KIAA1549L: variants seen among roughly 807,000 people sequenced by gnomAD.
The protein encoded by KIAA1549L is UPF0606 protein KIAA1549L.
KIAA1549L carries 88 observed loss-of-function variants against 160.7 expected under a neutral mutation model. The observed-to-expected ratio is 0.55, with a 90% CI of 0.46 to 0.65. The LOEUF is 0.65. KIAA1549L is among the 30% of genes least tolerant of loss of function. The pLI, the probability that KIAA1549L is intolerant of heterozygous loss-of-function variation, is 0.00. For synonymous variants in KIAA1549L, 950 were observed against 976.7 expected, an observed-to-expected ratio of 0.97 and a Z score of 0.51; for missense variants, 2,258 against 2,437.5, an observed-to-expected ratio of 0.93 and a Z score of 1.55.
At chr11:33,661,051 T>C in intron 20 of KIAA1549L, 37 bp downstream of exon 20, 3 of 1,557,474 alleles carry the variant, frequency 1.9e-6, no homozygotes, top group Non-Finnish European at 2.6e-6. Context: ...AAACTTTACC[T>C]GCTTAACACA....
chr11:33,468,359 GA>G (rs1169509087), intron 1 of KIAA1549L, among the ~76,000 whole-genome samples: 1 of 151,704 alleles, frequency 6.6e-6, no homozygotes. Flanking sequence ...ACAAAGTTTT[GA>G]AAAAAAATTA....
chr11:33,525,196 A>C (rs1296932753), intron 1 of KIAA1549L, among the ~76,000 whole-genome samples: 3 of 152,194 alleles, frequency 2.0e-5, no homozygotes, highest in African/African-American at 7.2e-5. Context: ...TCTTTGAAAG[A>C]AGTGGCTTGC....
At chr11:33,416,150 C>T (rs1201638532) in intron 1 of KIAA1549L, among the ~76,000 whole-genome samples, 7 of 152,110 alleles carry the variant, frequency 4.6e-5, no homozygotes, top group South Asian at 2.1e-4. Context: ...CTGAGTTACG[C>T]GTCCTGAAAA....
intron 16 of KIAA1549L, among the ~76,000 whole-genome samples, chr11:33,644,856 TC>T (rs1266731514): frequency 6.6e-6 from 1 of 152,334 alleles, no homozygotes; most frequent in South Asian, 2.1e-4. Context: ...TGGAATAAAC[TC>T]CTACAGGCAT....
intron 12 of KIAA1549L, among the ~76,000 whole-genome samples, chr11:33,592,691 C>A (rs1285138088): frequency 1.2e-4 from 18 of 152,172 alleles, no homozygotes. Context: ...CAGGTAAAAT[C>A]TATCTATTTC....
intron 18 of KIAA1549L, 104 bp downstream of exon 18, chr11:33,656,213 C>A: frequency 1.2e-6 from 1 of 814,486 alleles, no homozygotes; most frequent in Non-Finnish European, 2.1e-6. Context: ...CATGCTCCAC[C>A]CCATCCAGGG....
intron 1 of KIAA1549L, among the ~76,000 whole-genome samples, chr11:33,485,484 T>G (rs1852503777): frequency 6.6e-6 from 1 of 152,288 alleles, no homozygotes; most frequent in South Asian, 2.1e-4. Context: ...AAATTATTTA[T>G]TTTTTAATTG....
At chr11:33,544,368 C>G in intron 2 of KIAA1549L, 32 bp downstream of exon 2, 1 of 1,605,566 alleles carries the variant, frequency 6.2e-7, no homozygotes. Context: ...GTTTGTTTCC[C>G]GGTACCCCCA....
chr11:33,536,641 G>A (rs1434017101), intron 1 of KIAA1549L, among the ~76,000 whole-genome samples: 1 of 152,188 alleles, frequency 6.6e-6, no homozygotes, highest in East Asian at 1.9e-4. Context: ...TTCAAGGAGA[G>A]GGGACATAGA....
chr11:33,466,469 CAG>C (rs1321975971), intron 1 of KIAA1549L, among the ~76,000 whole-genome samples: 4 of 152,206 alleles, frequency 2.6e-5, no homozygotes, highest in Non-Finnish European at 4.4e-5. Context: ...CAGGAAATAA[CAG>C]ACGCTGGAGA....
rs1419442517 is a variant in KIAA1549L at position 33,618,763 on chromosome 11, A to G, written c.5409+101A>G. On this transcript the variant is annotated intron_variant, in intron 16 of 20. Transcript: ENST00000658780. Reference sequence around the variant, plus strand: ...GTTTTGGTTTACCACATATTTGTGGAATTTTAAAAAGCACTAAAATGTTTT... The same window carrying G: ...GTTTTGGTTTACCACATATTTGTGGGATTTTAAAAAGCACTAAAATGTTTT... 3 of 1,144,970 alleles carry G rather than the reference A, an allele frequency of 2.6e-6. No homozygotes were observed. The African/African-American group carries it at 4.7e-5, about 18-fold the overall frequency. The allele number at this position is 1,144,970 out of a possible 1,614,324, so 70.9% of individuals were successfully genotyped here.
At chr11:33,430,041 T>TCCTCCCTCCCTTCCTTCCTCCCTTCCTC (rs1554976198) in intron 1 of KIAA1549L, among the ~76,000 whole-genome samples, 1 of 140,388 alleles carries the variant, frequency 7.1e-6, no homozygotes. Context: ...CTTCCTTCCT[T>TCCTCCCTCCCTTCCTTCCTCCCTTCCTC]CCTTCCTCCC....
intron 7 of KIAA1549L, among the ~76,000 whole-genome samples, chr11:33,560,555 T>C (rs969784366): frequency 2.0e-5 from 3 of 152,208 alleles, no homozygotes; most frequent in African/African-American, 7.2e-5. Context: ...TTTTCTAATG[T>C]TTCAGTTACA....
intron 1 of KIAA1549L, among the ~76,000 whole-genome samples, chr11:33,444,022 A>G (rs1851561018): frequency 6.6e-6 from 1 of 152,208 alleles, no homozygotes. Context: ...TTTTGTACCC[A>G]TAGGGTTTCC....
At chr11:33,605,481 A>AT (rs1850477323) in intron 13 of KIAA1549L, among the ~76,000 whole-genome samples, 1 of 152,152 alleles carries the variant, frequency 6.6e-6, no homozygotes, top group African/African-American at 2.4e-5. Context: ...GTGGCCTGCT[A>AT]TTTGCAAATC....
At chr11:33,552,974 C>T (rs1854518230) in intron 6 of KIAA1549L, among the ~76,000 whole-genome samples, 1 of 151,862 alleles carries the variant, frequency 6.6e-6, no homozygotes, top group African/African-American at 2.4e-5. Context: ...GAATTCTTTC[C>T]CAGGGAAAAT....
chr11:33,627,991 G>T (rs1590413016), intron 16 of KIAA1549L, among the ~76,000 whole-genome samples: 1 of 151,914 alleles, frequency 6.6e-6, no homozygotes, highest in African/African-American at 2.4e-5. Context: ...TTGTGTCTTT[G>T]TTCTCGTTGG....
intron 1 of KIAA1549L, among the ~76,000 whole-genome samples, chr11:33,448,144 G>A (rs1282767177): frequency 6.6e-6 from 1 of 152,068 alleles, no homozygotes; most frequent in Admixed American, 6.5e-5. Context: ...AGGTTTATGT[G>A]GGTATACATG....
chr11:33,592,802 G>A (rs937746726), intron 12 of KIAA1549L, among the ~76,000 whole-genome samples: 3 of 152,204 alleles, frequency 2.0e-5, no homozygotes, highest in Non-Finnish European at 2.9e-5. Flanking sequence ...AGGAAGCTAG[G>A]GAAGACTTTT....
Sources: gnomAD v4.1 joint callset for allele counts (sites outside exome capture counted in the v4.1 genomes callset) on GRCh38, gnomAD v4.1.1 for gene constraint, MANE v1.5 for transcripts, NCBI Gene and HGNC (gene_info 2026-07-23, HGNC 2026-07-21) for gene names.